SLC38A10: variants seen among roughly 807,000 people sequenced by gnomAD.
SLC38A10 encodes solute carrier family 38 member 10.
A neutral mutation model predicts 81.0 loss-of-function variants in SLC38A10; 53 were observed. The observed-to-expected ratio is 0.65, with a 90% CI of 0.53 to 0.82. SLC38A10 has a LOEUF of 0.82. SLC38A10 is among the 40% of genes least tolerant of loss of function. SLC38A10 has a pLI of 0.00. For synonymous variants in SLC38A10, 665 were observed against 655.3 expected, an observed-to-expected ratio of 1.01 and a Z score of -0.23; for missense variants, 1,471 against 1,545.0, an observed-to-expected ratio of 0.95 and a Z score of 0.80.
chr17:81,272,433 A>C (rs2063124728), intron 9 of SLC38A10, 83 bp downstream of exon 9: 2 of 771,238 alleles, frequency 2.6e-6, no homozygotes, highest in Non-Finnish European at 4.1e-6. Flanking sequence ...GTCTCTGTGC[A>C]GGTCTCGTAA....
intron 11 of SLC38A10, among the ~76,000 whole-genome samples, chr17:81,255,020 C>A (rs1203071188): frequency 6.6e-6 from 1 of 152,252 alleles, no homozygotes; most frequent in East Asian, 1.9e-4. Flanking sequence ...GTTCCTCAGG[C>A]CGTGAATGAC....
At chr17:81,282,773 C>A (rs1298032412) in intron 4 of SLC38A10, among the ~76,000 whole-genome samples, 2 of 152,220 alleles carry the variant, frequency 1.3e-5, no homozygotes, top group East Asian at 1.9e-4. Flanking sequence ...GGGGACCTAG[C>A]TCCCTGGATG....
At chr17:81,285,193 C>T (rs899442727) in intron 2 of SLC38A10, 9 of 286,208 alleles carry the variant, frequency 3.1e-5, no homozygotes, top group South Asian at 1.5e-4. Context: ...TCCTCCCACC[C>T]GGTGACCACT....
chr17:81,287,831 C>G (rs1335082796), intron 2 of SLC38A10, among the ~76,000 whole-genome samples: 1 of 152,192 alleles, frequency 6.6e-6, no homozygotes, highest in Non-Finnish European at 1.5e-5. Flanking sequence ...GGTCACCGGT[C>G]TTCTTCCAGG....
intron 8 of SLC38A10, 128 bp from the exon 9 acceptor site, chr17:81,272,755 C>T: frequency 1.8e-6 from 1 of 557,710 alleles, no homozygotes. Context: ...GCCGCGCACT[C>T]ACCTGGCAGG....
In SLC38A10 at chr17:81,277,456, G is replaced by A. The variant is rs539265347; in HGVS notation, c.627-323C>T. On this transcript the variant is annotated intron_variant, in intron 6 of 15. Transcript: ENST00000374759. The surrounding 1 kb of genome is among the most constrained non-coding windows in gnomAD (Gnocchi z 4.5). ...CAGCCAGTTTACAGGGCAAGCAGCC[G>A]GAGGAGGCTGCTCAGAGAATCGCTG... Among the ~76,000 whole-genome samples the A allele has an allele frequency of 5.9e-5, 9 of 152,352 alleles. No individual in the cohort carries two copies. The highest frequency in any genetic ancestry group is 3.9e-4 in the East Asian group (2 of 5,188).
intron 11 of SLC38A10, among the ~76,000 whole-genome samples, chr17:81,258,882 C>T (rs776995554): frequency 6.6e-6 from 1 of 152,254 alleles, no homozygotes. Flanking sequence ...TCTGGTGACC[C>T]CTACTGTCCC....
chr17:81,245,376 C>A lies in SLC38A10; in HGVS notation c.*180G>T. On this transcript the variant is annotated 3_prime_UTR_variant, in exon 16 of 16. Transcript: ENST00000374759. ...GCAACAGAACGACAGCAAGAACATT[C>A]TGGAAACGATGCCACAGTGAATCTT... 1.3e-6 allele frequency: 1 copy of A among 755,438 alleles called. No individual in the cohort carries two copies. Among genetic ancestry groups the A allele is most frequent in the East Asian group, 2.9e-5 (1 of 34,090 alleles). 46.8% of individuals were successfully genotyped at this position (755,438 alleles called of 1,614,324 possible). A position where few individuals can be genotyped will look rare whatever the true frequency, so the allele number is the denominator to read the frequency against.
intron 1 of SLC38A10, among the ~76,000 whole-genome samples, chr17:81,294,419 G>A (rs1292318780): frequency 1.3e-5 from 2 of 152,222 alleles, no homozygotes; most frequent in Non-Finnish European, 2.9e-5. Context: ...CCTATCTAGT[G>A]TCGAAGCCTG....
rs2063231665 is a variant in SLC38A10 at position 81,283,250 on chromosome 17, C to T, written c.357+159G>A. On this transcript the variant is annotated intron_variant, in intron 4 of 15. Coordinates refer to ENST00000374759, the MANE Select transcript of SLC38A10 (RefSeq NM_001037984.3). The surrounding 1 kb of genome is among the most constrained non-coding windows in gnomAD (Gnocchi z 4.7). ...TGTACCTCTCACAGACGTGACCCAG[C>T]AAAGCCCCCGCACTCCACCAAGCCC... Among the ~76,000 whole-genome samples, 1 of 152,156 alleles carries T rather than the reference C, an allele frequency of 6.6e-6. No individual in the cohort carries two copies. The highest frequency in any genetic ancestry group is 2.1e-4 in the South Asian group (1 of 4,828).
intron 8 of SLC38A10, among the ~76,000 whole-genome samples, chr17:81,275,505 G>A (rs961086062): frequency 4.0e-5 from 6 of 151,554 alleles, no homozygotes; most frequent in East Asian, 3.9e-4. Flanking sequence ...AGGCCGAGAC[G>A]GGCGGATCAC....
chr17:81,258,077 G>A (rs1352503574), intron 11 of SLC38A10, among the ~76,000 whole-genome samples: 1 of 152,232 alleles, frequency 6.6e-6, no homozygotes, highest in Non-Finnish European at 1.5e-5. Flanking sequence ...CCGTGCATGG[G>A]GCCCCGGCTG....
intron 15 of SLC38A10, 62 bp from the exon 16 acceptor site, chr17:81,246,735 G>C: frequency 6.7e-7 from 1 of 1,499,476 alleles, no homozygotes; most frequent in Non-Finnish European, 8.9e-7. Context: ...CAGTGGAGGG[G>C]CTCAGAAGAA....
At chr17:81,268,471 T>C (rs1429037201) in intron 10 of SLC38A10, among the ~76,000 whole-genome samples, 2 of 152,000 alleles carry the variant, frequency 1.3e-5, no homozygotes, top group African/African-American at 2.4e-5. Flanking sequence ...AGTGGTGCTA[T>C]CTCGGCTCAC....
chr17:81,280,919 C>T (rs1055203087), intron 5 of SLC38A10, among the ~76,000 whole-genome samples, 186 bp from the exon 6 acceptor site: 3 of 152,034 alleles, frequency 2.0e-5, no homozygotes, highest in Admixed American at 6.5e-5. Context: ...AGGGAGACCC[C>T]GCGCCTTTCT....
intron 10 of SLC38A10, among the ~76,000 whole-genome samples, chr17:81,266,032 G>A (rs1313417675): frequency 6.6e-6 from 1 of 152,160 alleles, no homozygotes; most frequent in Admixed American, 6.5e-5. Context: ...GTCTACACAT[G>A]TCTACACACC....
chr17:81,289,119 C>A lies in SLC38A10; in HGVS notation c.217+572G>T, dbSNP rs1175728263. ...GCAGTGGCGTGATCTCAGCTCACTGCAGCCTCCACCTATCGGGTTCAAGAG... is the reference window on the plus strand; with the variant it reads ...GCAGTGGCGTGATCTCAGCTCACTGAAGCCTCCACCTATCGGGTTCAAGAG... On this transcript the variant is annotated intron_variant, in intron 2 of 15. Transcript: ENST00000374759. The surrounding 1 kb of genome is among the most constrained non-coding windows in gnomAD (Gnocchi z 5.9). Among the ~76,000 whole-genome samples the A allele has an allele frequency of 1.3e-5, 2 of 152,172 alleles. No individual in the cohort carries two copies. The highest frequency in any genetic ancestry group is 3.8e-4 in the East Asian group (2 of 5,198).
chr17:81,251,351 G>C, intron 14 of SLC38A10, 142 bp downstream of exon 14: 1 of 1,612,944 alleles, frequency 6.2e-7, no homozygotes, highest in Non-Finnish European at 8.5e-7. Context: ...AGCTCTCCGA[G>C]GGGTCTGCTC....
chr17:81,280,866 A>ACCCTGTGCCG (rs1167905792), intron 5 of SLC38A10, 133 bp from the exon 6 acceptor site: 2 of 1,297,740 alleles, frequency 1.5e-6, no homozygotes, highest in African/African-American at 1.6e-5. Context: ...GCCCCCCACC[A>ACCCTGTGCCG]CCCTGTGCCG....
Sources: allele counts gnomAD v4.1 joint callset (sites outside exome capture counted in the v4.1 genomes callset), GRCh38; gene constraint gnomAD v4.1.1; non-coding constraint Gnocchi (gnomAD v3.1); transcripts MANE v1.5; gene names NCBI Gene and HGNC (gene_info 2026-07-23, HGNC 2026-07-21).